Variants in PAFAH2 observed in about 807,000 individuals in gnomAD.
The protein encoded by PAFAH2 is platelet-activating factor acetylhydrolase 2, cytoplasmic.
Under a neutral mutation model 49.0 loss-of-function variants are expected in PAFAH2, and 42 were observed. The ratio of observed to expected loss-of-function variants is 0.86; its 90% CI spans 0.67 to 1.11. PAFAH2 has a LOEUF of 1.11. PAFAH2 is among the 50% of genes least tolerant of loss of function. The pLI is 0.00. For missense variants in PAFAH2, 503 were observed against 501.8 expected (o/e 1.00, Z -0.02); for synonymous variants, 184 against 181.3 (o/e 1.01, Z -0.12).
At position 25,990,778 on chromosome 1, in the gene PAFAH2, TGTGACAG is replaced by T. The variant is rs769694605; in HGVS notation, c.32_38del (p.Pro11GlnfsTer6). On this transcript the variant is annotated frameshift_variant, in exon 2 of 11. Coordinates refer to ENST00000374282, the MANE Select transcript of PAFAH2 (RefSeq NM_000437.4). LOFTEE classifies it high-confidence loss of function. ...CCCCACAGCCTACGAGGTGGGGTCC[TGTGACAG>T]GTGGAAAGCCCACAGACTGGTTGAC... is the stretch of plus-strand genomic sequence containing the variant. 14 of 1,613,902 alleles carry T rather than the reference TGTGACAG, an allele frequency of 8.7e-6. No individual in the cohort carries two copies. The African/African-American group carries it at 1.9e-4, about 22-fold the overall frequency.
intron 7 of PAFAH2, among the ~76,000 whole-genome samples, chr1:25,980,687 C>CCATTCTTATT: frequency 6.7e-6 from 1 of 149,666 alleles, no homozygotes; most frequent in African/African-American, 2.4e-5. Flanking sequence ...CATACACACA[C>CCATTCTTATT]CATTCTTATT....
At chr1:25,973,539 A>G (rs1273160703) in intron 9 of PAFAH2, among the ~76,000 whole-genome samples, 4 of 152,120 alleles carry the variant, frequency 2.6e-5, no homozygotes, top group African/African-American at 9.7e-5. Flanking sequence ...CCCCTTCCCA[A>G]CTGGCCTCAC....
intron 7 of PAFAH2, among the ~76,000 whole-genome samples, chr1:25,980,275 G>A (rs1334345600): frequency 6.6e-6 from 1 of 152,108 alleles, no homozygotes; most frequent in African/African-American, 2.4e-5. Flanking sequence ...ATAAGTTTGT[G>A]GGAGGAGCTC....
intron 6 of PAFAH2, 111 bp from the exon 7 acceptor site, chr1:25,982,588 C>T (rs1243297599): frequency 2.6e-6 from 2 of 763,206 alleles, no homozygotes; most frequent in East Asian, 5.5e-5. Flanking sequence ...CCCACCCACG[C>T]CTCAGCAAGC....
At position 25,982,314 on chromosome 1, in the gene PAFAH2, C is replaced by G. The variant is rs372601987; in HGVS notation, c.666+50G>C. The G allele has an allele frequency of 1.1e-5, 15 of 1,335,344 alleles. No homozygotes were observed. The East Asian group carries it at 3.2e-4, about 29-fold the overall frequency. The allele number at this position is 1,335,344 out of a possible 1,614,324, so 82.7% of individuals were successfully genotyped here. A position where few individuals can be genotyped will look rare whatever the true frequency, so the allele number is the denominator to read the frequency against. On this transcript the variant is annotated intron_variant, in intron 7 of 10. Transcript: ENST00000374282. ...TAGTTAGGTTTCTGTTACTTGTAACCGAGAAAACCCTGAATACTGGGCTCT... is the reference window on the plus strand; with the variant it reads ...TAGTTAGGTTTCTGTTACTTGTAACGGAGAAAACCCTGAATACTGGGCTCT...
At chr1:25,979,948 G>A (rs573645976) in intron 7 of PAFAH2, among the ~76,000 whole-genome samples, 3 of 152,336 alleles carry the variant, frequency 2.0e-5, no homozygotes, top group African/African-American at 7.2e-5. Flanking sequence ...ATTCAGGCCT[G>A]GACCTCAGTG....
In PAFAH2 at chr1:25,990,654, A is replaced by G. The variant is rs891966050; in HGVS notation, c.90+73T>C. ...TTCCCCACCGTGGGAATACAGGATC[A>G]GACTTGTGATCAGTAAGTCACGGTG... On this transcript the variant is annotated intron_variant, in intron 2 of 10. Coordinates refer to ENST00000374282, the MANE Select transcript of PAFAH2 (RefSeq NM_000437.4). 11 of 1,250,342 alleles carry G rather than the reference A, an allele frequency of 8.8e-6. No individual in the cohort carries two copies. The African/African-American group carries it at 1.6e-4, about 18-fold the overall frequency. The allele number at this position is 1,250,342 out of a possible 1,614,324, so 77.5% of individuals were successfully genotyped here.
At chr1:25,974,999 T>C (rs1053522506) in intron 8 of PAFAH2, among the ~76,000 whole-genome samples, 2 of 152,174 alleles carry the variant, frequency 1.3e-5, no homozygotes, top group African/African-American at 4.8e-5. Context: ...GCTTTGGATA[T>C]AGACATAAAT....
At chr1:25,966,586 C>T (rs1277458284) in intron 10 of PAFAH2, among the ~76,000 whole-genome samples, 3 of 152,028 alleles carry the variant, frequency 2.0e-5, no homozygotes, top group East Asian at 3.9e-4. Flanking sequence ...CATGGACATA[C>T]AGAGTAGAAA....
rs1295003963 is a variant in PAFAH2, at chr1:25,990,712, G to C, written c.90+15C>G. ...AAGCAGTGCAAACAGAAGAAAGGGA[G>C]CTGGGGACACTTACCTGGAGATTCT... On this transcript the variant is annotated intron_variant, in intron 2 of 10. Transcript: ENST00000374282. The C allele has an allele frequency of 6.2e-7, 1 of 1,604,004 alleles. No homozygotes were observed. The highest frequency in any genetic ancestry group is 8.5e-7 in the Non-Finnish European group (1 of 1,171,082).
At chr1:25,963,336 C>A (rs1040151753) in intron 10 of PAFAH2, among the ~76,000 whole-genome samples, 2 of 152,106 alleles carry the variant, frequency 1.3e-5, no homozygotes, top group African/African-American at 4.8e-5. Flanking sequence ...AAACTGCTGT[C>A]CTCACAGAGC....
intron 10 of PAFAH2, among the ~76,000 whole-genome samples, chr1:25,964,583 T>C (rs1376981991): frequency 1.3e-5 from 2 of 152,122 alleles, no homozygotes; most frequent in Non-Finnish European, 2.9e-5. Context: ...TCAGTAGCAT[T>C]TCTATACACC....
rs949119862 is a variant in PAFAH2, at chr1:25,989,644, G to A, written c.91-43C>T. ...GCAGCTGCTCAGAGCAAGGAGCCCAGGCTAGATTTCCCAACAGCCACACTC... is the reference window on the plus strand; with the variant it reads ...GCAGCTGCTCAGAGCAAGGAGCCCAAGCTAGATTTCCCAACAGCCACACTC... On this transcript the variant is annotated intron_variant, in intron 2 of 10. Transcript: ENST00000374282. 5.0e-6 allele frequency: 7 copies of A among 1,406,250 alleles called. No homozygotes were observed. The African/African-American group carries it at 1.0e-4, about 21-fold the overall frequency. The allele number at this position is 1,406,250 out of a possible 1,614,324, so 87.1% of individuals were successfully genotyped here. A position where few individuals can be genotyped will look rare whatever the true frequency, so the allele number is the denominator to read the frequency against.
At chr1:25,990,965 C>T (rs1363665987) in intron 1 of PAFAH2, 102 bp from the exon 2 acceptor site, 1 of 601,582 alleles carries the variant, frequency 1.7e-6, no homozygotes, top group Admixed American at 2.8e-5. Context: ...TCCTTAGCAC[C>T]TCATCCTCCC....
intron 1 of PAFAH2, among the ~76,000 whole-genome samples, chr1:25,993,225 A>G (rs1315971089): frequency 1.3e-5 from 2 of 152,174 alleles, no homozygotes; most frequent in African/African-American, 4.8e-5. Context: ...ATCTAAATGG[A>G]TACACACTGA....
intron 4 of PAFAH2, among the ~76,000 whole-genome samples, chr1:25,984,858 T>TC (rs1553137085): frequency 6.8e-6 from 1 of 147,316 alleles, no homozygotes; most frequent in African/African-American, 2.5e-5. Flanking sequence ...TTTTTTTTTT[T>TC]TTTTTTTTGA....
chr1:25,980,630 TA>T (rs2049672229), intron 7 of PAFAH2, among the ~76,000 whole-genome samples: 1 of 147,184 alleles, frequency 6.8e-6, no homozygotes, highest in East Asian at 1.9e-4. Flanking sequence ...TATATATATA[TA>T]TTTTATATAT....
rs563985935 is a variant in PAFAH2, at chr1:25,966,425, GA to G, written c.1085-4343del. Among the ~76,000 whole-genome samples the G allele has an allele frequency of 4.1e-3, 623 of 152,244 alleles. 4 individuals carry two copies. Among genetic ancestry groups the G allele is most frequent in the African/African-American group, 0.014 (600 of 41,540 alleles). ...AATGTGGTGTACAGATATACCATGG[GA>G]TACTACTCAGTTATAAAAAAAGAAC... On this transcript the variant is annotated intron_variant, in intron 10 of 10. Coordinates refer to ENST00000374282, the MANE Select transcript of PAFAH2 (RefSeq NM_000437.4).
intron 4 of PAFAH2, among the ~76,000 whole-genome samples, chr1:25,987,913 C>T (rs1460343484): frequency 6.6e-6 from 1 of 151,944 alleles, no homozygotes; most frequent in African/African-American, 2.4e-5. Flanking sequence ...ATAAATGATG[C>T]TCTGATCACA....
Sources: gnomAD v4.1 joint callset for allele counts (sites outside exome capture counted in the v4.1 genomes callset) on GRCh38, gnomAD v4.1.1 for gene constraint, MANE v1.5 for transcripts, NCBI Gene and HGNC (gene_info 2026-07-23, HGNC 2026-07-21) for gene names.